Variants in TRIO observed in about 807,000 individuals in gnomAD.
TRIO encodes trio Rho guanine nucleotide exchange factor.
In TRIO, 58 loss-of-function variants were observed where a neutral mutation model predicts 351.9. The ratio of observed to expected loss-of-function variants is 0.16; its 90% CI spans 0.13 to 0.21. TRIO has a LOEUF of 0.21. Ranked by LOEUF, TRIO falls within the 10% of genes least tolerant of loss-of-function variation. The probability of loss-of-function intolerance (pLI) is 1.00; values close to 1 mark genes in which losing one functional copy is unlikely to be tolerated. For missense variants in TRIO, 3,201 were observed against 4,027.8 expected, an observed-to-expected ratio of 0.79 and a Z score of 5.56; for synonymous variants, 1,758 against 1,595.7, an observed-to-expected ratio of 1.10 and a Z score of -2.42.
At chr5:14,424,411 G>C (rs1384236676) in intron 34 of TRIO, among the ~76,000 whole-genome samples, 1 of 152,060 alleles carries the variant, frequency 6.6e-6, no homozygotes, top group Non-Finnish European at 1.5e-5. Context: ...TTTGGATAGA[G>C]AAAAAGTATG....
At chr5:14,303,130 A>C (rs1262669015) in intron 7 of TRIO, among the ~76,000 whole-genome samples, 1 of 147,690 alleles carries the variant, frequency 6.8e-6, no homozygotes, top group Non-Finnish European at 1.5e-5. Flanking sequence ...ATGATCCTGG[A>C]GATGGGGGGT....
chr5:14,204,294 C>T (rs1791325597), intron 1 of TRIO, among the ~76,000 whole-genome samples: 1 of 151,978 alleles, frequency 6.6e-6, no homozygotes, highest in Non-Finnish European at 1.5e-5. Flanking sequence ...TGGAGGGTGC[C>T]CGGGGAAGGA....
chr5:14,333,515 T>C (rs955097536), intron 10 of TRIO, among the ~76,000 whole-genome samples: 2 of 152,220 alleles, frequency 1.3e-5, no homozygotes, highest in African/African-American at 4.8e-5. Context: ...TAAAATACCT[T>C]GGAGGTTTTC....
At chr5:14,402,101 T>TA (rs1188341419) in intron 31 of TRIO, among the ~76,000 whole-genome samples, 2 of 152,220 alleles carry the variant, frequency 1.3e-5, no homozygotes, top group African/African-American at 2.4e-5. Flanking sequence ...AGTACTGGCA[T>TA]AAAGCCCTAT....
Position 14,497,048 on chromosome 5 carries a change from C to A in TRIO, c.8019+31C>A. 6.2e-7 allele frequency: 1 copy of A among 1,611,062 alleles called. No individual in the cohort carries two copies. Among genetic ancestry groups the A allele is most frequent in the South Asian group, 1.1e-5 (1 of 90,690 alleles). Reference sequence around the variant, plus strand: ...TTCGGGGGTCTTCAGGAGTCCGTGTCATCCCAGCATGAGAGAAAGGATCAG... The same window carrying A: ...TTCGGGGGTCTTCAGGAGTCCGTGTAATCCCAGCATGAGAGAAAGGATCAG... On this transcript the variant is annotated intron_variant, in intron 50 of 56. Coordinates refer to ENST00000344204, the MANE Select transcript of TRIO (RefSeq NM_007118.4). The surrounding 1 kb of genome is among the most constrained non-coding windows in gnomAD (Gnocchi z 4.4).
At chr5:14,466,840 G>A (rs761101319) in intron 37 of TRIO, among the ~76,000 whole-genome samples, 2 of 152,108 alleles carry the variant, frequency 1.3e-5, no homozygotes, top group South Asian at 2.1e-4. Flanking sequence ...ATCTTCTCAC[G>A]TCAGTACATA....
At chr5:14,237,974 T>C (rs568853453) in intron 1 of TRIO, among the ~76,000 whole-genome samples, 2 of 152,346 alleles carry the variant, frequency 1.3e-5, no homozygotes, top group Non-Finnish European at 2.9e-5. Flanking sequence ...AAGAATGTTA[T>C]TCTGAGCAGC....
At chr5:14,409,610 A>G (rs947290806) in intron 33 of TRIO, among the ~76,000 whole-genome samples, 68 of 152,138 alleles carry the variant, frequency 4.5e-4, no homozygotes, top group Non-Finnish European at 6.6e-4. Context: ...CAAGGCGGGC[A>G]GATCACGAGG....
intron 54 of TRIO, among the ~76,000 whole-genome samples, chr5:14,503,695 C>T (rs922313521): frequency 2.6e-5 from 4 of 152,230 alleles, no homozygotes; most frequent in Non-Finnish European, 4.4e-5. Context: ...CCCAGGCAGC[C>T]CTGATTCAAG....
At chr5:14,480,508 C>T (rs1317844803) in intron 43 of TRIO, among the ~76,000 whole-genome samples, 1 of 152,074 alleles carries the variant, frequency 6.6e-6, no homozygotes, top group Non-Finnish European at 1.5e-5. Context: ...ATTTGGAATC[C>T]TTTTGTATTC....
rs200735300 is a variant in TRIO, at chr5:14,487,516, C to T, written c.6888C>T (p.Gly2296=). The change falls in exon 48 of 57, where the codon GGC becomes GGT. Residue 2296 remains glycine, a synonymous_variant. Transcript: ENST00000344204. ...YQRNHSGGGG[G]GGSGGSGGGG... ...GGAACCACAGCGGGGGCGGCGGCGG[C>T]GGCGGCAGCGGGGGCAGCGGCGGGG... The T allele has an allele frequency of 6.3e-4, 533 of 845,782 alleles. 3 individuals carry two copies. The African/African-American group carries it at 7.3e-3, about 12-fold the overall frequency. The allele number at this position is 845,782 out of a possible 1,614,324, so 52.4% of individuals were successfully genotyped here.
intron 34 of TRIO, among the ~76,000 whole-genome samples, chr5:14,443,983 C>G (rs1310999332): frequency 6.6e-6 from 1 of 152,104 alleles, no homozygotes; most frequent in Non-Finnish European, 1.5e-5. Flanking sequence ...CTGACTCAAG[C>G]TCAGGAAAAA....
chr5:14,496,395 G>A (rs1175294939), intron 49 of TRIO, among the ~76,000 whole-genome samples: 3 of 152,182 alleles, frequency 2.0e-5, no homozygotes, highest in Non-Finnish European at 2.9e-5. Context: ...CGGAGAGCAC[G>A]TGGTGCAGGC....
chr5:14,280,782 G>A (rs1735929254), intron 3 of TRIO, among the ~76,000 whole-genome samples: 2 of 152,164 alleles, frequency 1.3e-5, no homozygotes, highest in South Asian at 4.1e-4. Context: ...TGCTGCTTTT[G>A]ACAATGCATT....
In TRIO at chr5:14,412,348, T is replaced by C. The variant is rs1260985531; in HGVS notation, c.4959+5676T>C. On this transcript the variant is annotated intron_variant, in intron 33 of 56. Transcript: ENST00000344204. ...CAGCTCTTTCTGTCAAGTGACGTTC[T>C]ACACTCCAGGAACTTGGTTTGACTT... 3.3e-5 allele frequency among the ~76,000 whole-genome samples: 5 copies of C among 152,360 alleles called. No homozygotes were observed. In the East Asian group the frequency reaches 9.6e-4, roughly 29 times the overall value.
At chr5:14,375,769 A>G (rs2152349232) in intron 19 of TRIO, among the ~76,000 whole-genome samples, 1 of 152,368 alleles carries the variant, frequency 6.6e-6, no homozygotes, top group African/African-American at 2.4e-5. Flanking sequence ...GCTCAGGCAG[A>G]GACTGTGGAA....
rs772073256 is a variant in TRIO, at chr5:14,336,553, G to T, written c.1872G>T (p.Ala624=). The T allele has an allele frequency of 6.2e-7, 1 of 1,614,106 alleles. No individual in the cohort carries two copies. The highest frequency in any genetic ancestry group is 8.5e-7 in the Non-Finnish European group (1 of 1,180,032). Reference sequence around the variant, plus strand: ...TTGTGCAGAACACATACACCAATGCGGATAAATTACTGGAAGCAGCAGAAC... The same window carrying T: ...TTGTGCAGAACACATACACCAATGCTGATAAATTACTGGAAGCAGCAGAAC... ...EEVAQNTYTN[A]DKLLEAAEQL... Residue 624 remains alanine (A), a synonymous_variant, in exon 11 of 57, where the codon GCG becomes GCT. Coordinates refer to ENST00000344204, the MANE Select transcript of TRIO (RefSeq NM_007118.4).
intron 33 of TRIO, among the ~76,000 whole-genome samples, chr5:14,418,441 G>A (rs1749829029): frequency 6.6e-6 from 1 of 152,196 alleles, no homozygotes; most frequent in African/African-American, 2.4e-5. Flanking sequence ...GCAGAGAAAG[G>A]AAGTGATCGG....
At position 14,406,257 on chromosome 5, in the gene TRIO, C is replaced by A. The variant is rs1261411383; in HGVS notation, c.4859+267C>A. 48 of 571,926 alleles carry A rather than the reference C, an allele frequency of 8.4e-5. No homozygotes were observed. In the South Asian group the frequency reaches 1.0e-3, roughly 12 times the overall value. The allele number at this position is 571,926 out of a possible 1,614,324, so 35.4% of individuals were successfully genotyped here. ...CCCGAGCACCATACAGGGCACATGTCTAACTCATGCACATGACCTTGGATA... is the reference window on the plus strand; with the variant it reads ...CCCGAGCACCATACAGGGCACATGTATAACTCATGCACATGACCTTGGATA... On this transcript the variant is annotated intron_variant, in intron 32 of 56. Coordinates refer to ENST00000344204, the MANE Select transcript of TRIO (RefSeq NM_007118.4).
Sources: allele counts gnomAD v4.1 joint callset (sites outside exome capture counted in the v4.1 genomes callset), GRCh38; gene constraint gnomAD v4.1.1; non-coding constraint Gnocchi (gnomAD v3.1); transcripts MANE v1.5; gene names NCBI Gene and HGNC (gene_info 2026-07-23, HGNC 2026-07-21).